PLCB1: variants seen among roughly 807,000 people sequenced by gnomAD.
PLCB1 encodes the protein phospholipase C beta 1.
PLCB1 carries 46 observed loss-of-function variants against 161.8 expected under a neutral mutation model. The observed-to-expected ratio is 0.28, with a 90% CI of 0.22 to 0.36. The LOEUF (loss-of-function observed/expected upper bound fraction) is 0.36, where lower values mean the gene tolerates loss of function less well. Among genes scored for constraint, PLCB1 ranks in the 10% least tolerant of loss-of-function variants. The probability of loss-of-function intolerance (pLI) is 1.00; values close to 1 mark genes in which losing one functional copy is unlikely to be tolerated. For synonymous variants in PLCB1, 517 were observed against 503.7 expected (o/e 1.03, Z -0.35); for missense variants, 1,016 against 1,472.5 (o/e 0.69, Z 5.07).
At chr20:8,647,126 C>A (rs1989191407) in intron 5 of PLCB1, among the ~76,000 whole-genome samples, 1 of 152,142 alleles carries the variant, frequency 6.6e-6, no homozygotes, top group Non-Finnish European at 1.5e-5. Flanking sequence ...AGGACTCTTC[C>A]TTCATGCCTC....
chr20:8,438,137 G>C (rs573881033), intron 3 of PLCB1, among the ~76,000 whole-genome samples: 1 of 151,118 alleles, frequency 6.6e-6, no homozygotes, highest in Non-Finnish European at 1.5e-5. Flanking sequence ...GTTTATTTTT[G>C]CTAGTTAAGC....
intron 2 of PLCB1, among the ~76,000 whole-genome samples, chr20:8,355,209 A>G (rs1376016573): frequency 1.3e-5 from 2 of 151,870 alleles, no homozygotes; most frequent in Non-Finnish European, 2.9e-5. Flanking sequence ...ATGATCAGAG[A>G]TAGTGGTATT....
chr20:8,782,718 T>C (rs1264864503), intron 27 of PLCB1, among the ~76,000 whole-genome samples: 1 of 152,208 alleles, frequency 6.6e-6, no homozygotes, highest in Non-Finnish European at 1.5e-5. Flanking sequence ...TGTAAATTAA[T>C]TTCTTGTAGA....
At chr20:8,482,744 A>G (rs1186526047) in intron 3 of PLCB1, among the ~76,000 whole-genome samples, 1 of 152,204 alleles carries the variant, frequency 6.6e-6, no homozygotes, top group Non-Finnish European at 1.5e-5. Flanking sequence ...AAATATAGAA[A>G]TCCAGACTGC....
At chr20:8,282,199 T>C (rs778749328) in intron 2 of PLCB1, among the ~76,000 whole-genome samples, 5 of 152,316 alleles carry the variant, frequency 3.3e-5, no homozygotes, top group Middle Eastern at 3.4e-3. Flanking sequence ...ATGTCAAGCA[T>C]TGGTGTTCTA....
At chr20:8,307,025 C>A (rs1984163627) in intron 2 of PLCB1, among the ~76,000 whole-genome samples, 1 of 152,178 alleles carries the variant, frequency 6.6e-6, no homozygotes, top group Non-Finnish European at 1.5e-5. Flanking sequence ...ACAATGGAAG[C>A]AGAGCAGAAC....
In PLCB1 at chr20:8,132,697, G is replaced by C. The variant is rs751980461; in HGVS notation, c.46G>C (p.Val16Leu). The change falls in exon 1 of 32, where the codon GTG becomes CTG. Residue 16 changes from valine (V) to leucine (L), a missense_variant. Around this residue, in one of 10 missense-constraint regions of PLCB1, gnomAD observed 181 missense variants for 236.7 expected, o/e 0.76. Transcript: ENST00000338037. The surrounding 1 kb of genome is among the most constrained non-coding windows in gnomAD (Gnocchi z 5.2). Reference protein sequence around the residue: ...PGVHALQLKPVCVSDSLKKGT... With the variant: ...PGVHALQLKPLCVSDSLKKGT... Reference sequence around the variant, plus strand: ...AGTGCACGCCTTGCAACTCAAGCCCGTGTGCGTGTCCGACAGCCTCAAGAA... The same window carrying C: ...AGTGCACGCCTTGCAACTCAAGCCCCTGTGCGTGTCCGACAGCCTCAAGAA... 6.2e-7 allele frequency: 1 copy of C among 1,613,002 alleles called. No individual in the cohort carries two copies. Among genetic ancestry groups the C allele is most frequent in the Non-Finnish European group, 8.5e-7 (1 of 1,179,370 alleles).
intron 3 of PLCB1, among the ~76,000 whole-genome samples, chr20:8,474,438 G>A (rs1982182047): frequency 6.6e-6 from 1 of 152,174 alleles, no homozygotes; most frequent in Non-Finnish European, 1.5e-5. Flanking sequence ...ATGATTATAG[G>A]TGTAGGGAAC....
intron 2 of PLCB1, among the ~76,000 whole-genome samples, chr20:8,290,445 G>A (rs1189094647): frequency 6.6e-6 from 1 of 152,152 alleles, no homozygotes; most frequent in Non-Finnish European, 1.5e-5. Flanking sequence ...CTAGGAGACA[G>A]CACAGGTTCA....
intron 3 of PLCB1, among the ~76,000 whole-genome samples, chr20:8,593,276 G>A (rs983555702): frequency 6.6e-6 from 1 of 152,050 alleles, no homozygotes; most frequent in South Asian, 2.1e-4. Context: ...AGGTTCAAGC[G>A]ATCCTTCTGC....
chr20:8,143,821 T>G (rs1204416751), intron 1 of PLCB1, among the ~76,000 whole-genome samples: 1 of 152,208 alleles, frequency 6.6e-6, no homozygotes, highest in Non-Finnish European at 1.5e-5. Flanking sequence ...TGCAGGATTT[T>G]AGACGTATAA....
chr20:8,297,464 A>C (rs562637785), intron 2 of PLCB1, among the ~76,000 whole-genome samples: 1 of 152,300 alleles, frequency 6.6e-6, no homozygotes, highest in Non-Finnish European at 1.5e-5. Flanking sequence ...AGTCAATACA[A>C]AAGTAGTATA....
chr20:8,558,962 T>G (rs189756653), intron 3 of PLCB1, among the ~76,000 whole-genome samples: 1 of 151,926 alleles, frequency 6.6e-6, no homozygotes, highest in Admixed American at 6.6e-5. Flanking sequence ...CAGGATGTAA[T>G]GTCAGCAAAC....
At chr20:8,850,295 A>G (rs892406617) in intron 31 of PLCB1, among the ~76,000 whole-genome samples, 1 of 152,200 alleles carries the variant, frequency 6.6e-6, no homozygotes, top group Non-Finnish European at 1.5e-5. Context: ...AGAGCCAGGC[A>G]GTGTGTTCAT....
At chr20:8,375,085 C>T (rs1218127538) in intron 3 of PLCB1, among the ~76,000 whole-genome samples, 1 of 152,154 alleles carries the variant, frequency 6.6e-6, no homozygotes, top group Non-Finnish European at 1.5e-5. Flanking sequence ...CTGTATATAA[C>T]CTTTGTTCAA....
intron 2 of PLCB1, among the ~76,000 whole-genome samples, chr20:8,329,853 G>A (rs6055738): frequency 0.094 from 14,245 of 152,178 alleles, 1,305 homozygotes; most frequent in African/African-American, 0.23. Context: ...GCAACCTCAT[G>A]AGGACCCCGT....
At chr20:8,687,244 C>CA (rs1427942216) in intron 10 of PLCB1, among the ~76,000 whole-genome samples, 6 of 152,174 alleles carry the variant, frequency 3.9e-5, no homozygotes, top group East Asian at 1.9e-4. Flanking sequence ...AGGCTGGACT[C>CA]AGACTCCTGA....
intron 3 of PLCB1, among the ~76,000 whole-genome samples, chr20:8,583,091 C>A (rs530856358): frequency 6.6e-6 from 1 of 151,960 alleles, no homozygotes; most frequent in African/African-American, 2.4e-5. Context: ...GTAAAGAAAG[C>A]CTGTCATAAA....
intron 27 of PLCB1, among the ~76,000 whole-genome samples, chr20:8,787,012 A>G (rs1318641220): frequency 2.0e-5 from 3 of 152,108 alleles, no homozygotes; most frequent in African/African-American, 7.2e-5. Flanking sequence ...CCACATGTGA[A>G]TCTTTTAAAA....
Sources: allele counts gnomAD v4.1 joint callset (sites outside exome capture counted in the v4.1 genomes callset), GRCh38; gene constraint gnomAD v4.1.1; regional missense constraint gnomAD v4.1.1; non-coding constraint Gnocchi (gnomAD v3.1); transcripts MANE v1.5; gene names NCBI Gene and HGNC (gene_info 2026-07-23, HGNC 2026-07-21).